TMEFF2: variants seen among roughly 807,000 people sequenced by gnomAD.
TMEFF2 encodes the protein transmembrane protein with EGF like and two follistatin like domains 2.
A neutral mutation model predicts 53.8 loss-of-function variants in TMEFF2; 28 were observed. The observed-to-expected ratio is 0.52, with a 90% CI of 0.39 to 0.71. The LOEUF is 0.71. TMEFF2 is among the 30% of genes least tolerant of loss of function. TMEFF2 has a pLI of 0.00. For missense variants in TMEFF2, 353 were observed against 455.2 expected, an observed-to-expected ratio of 0.78 and a Z score of 2.04; for synonymous variants, 162 against 166.3, an observed-to-expected ratio of 0.97 and a Z score of 0.20.
At chr2:192,190,645 G>A (rs187383270) in intron 2 of TMEFF2, among the ~76,000 whole-genome samples, 1 of 152,100 alleles carries the variant, frequency 6.6e-6, no homozygotes, top group African/African-American at 2.4e-5. Context: ...CCAGGAGGTG[G>A]TGCACTTTAC....
chr2:192,097,405 TTAGC>T, intron 4 of TMEFF2, among the ~76,000 whole-genome samples: 1 of 152,374 alleles, frequency 6.6e-6, no homozygotes, highest in East Asian at 1.9e-4. Flanking sequence ...CATATATTCT[TTAGC>T]TATGCTAACA....
chr2:192,073,705 T>C (rs58354071), intron 4 of TMEFF2, among the ~76,000 whole-genome samples: 16,168 of 151,942 alleles, frequency 0.11, 1,168 homozygotes, highest in East Asian at 0.37. Flanking sequence ...CTGAGGAAAA[T>C]ACAGAAAAAC....
chr2:192,064,545 C>G (rs1281110156), intron 4 of TMEFF2, among the ~76,000 whole-genome samples: 1 of 151,852 alleles, frequency 6.6e-6, no homozygotes, highest in Admixed American at 6.6e-5. Flanking sequence ...GTACCACATT[C>G]TCCATGAAAA....
chr2:192,014,832 C>T (rs1285253703), intron 5 of TMEFF2, among the ~76,000 whole-genome samples: 2 of 152,152 alleles, frequency 1.3e-5, no homozygotes, highest in African/African-American at 4.8e-5. Flanking sequence ...AAATGAGTAT[C>T]AATGTATTAC....
At chr2:192,061,657 C>T (rs1048905168) in intron 4 of TMEFF2, among the ~76,000 whole-genome samples, 1 of 152,052 alleles carries the variant, frequency 6.6e-6, no homozygotes, top group East Asian at 1.9e-4. Flanking sequence ...TTGTCCTCTA[C>T]GAATCTCATG....
intron 8 of TMEFF2, 61 bp from the exon 9 acceptor site, chr2:191,953,898 T>TTTTTTTTTG (rs1691972401): frequency 8.1e-7 from 1 of 1,228,972 alleles, no homozygotes; most frequent in Admixed American, 2.6e-5. Flanking sequence ...TTTTTTTTTT[T>TTTTTTTTTG]TTTTTTTTTG....
chr2:192,136,182 T>C (rs1466580359), intron 4 of TMEFF2, among the ~76,000 whole-genome samples: 3 of 152,326 alleles, frequency 2.0e-5, no homozygotes, highest in Admixed American at 1.3e-4. Flanking sequence ...GACCTATTAA[T>C]TCAGCAGTTA....
intron 7 of TMEFF2, among the ~76,000 whole-genome samples, chr2:191,981,602 T>A (rs1340287760): frequency 3.9e-5 from 6 of 152,352 alleles, no homozygotes; most frequent in African/African-American, 1.2e-4. Context: ...TTAGCATTCT[T>A]AATGCTTTAT....
At chr2:191,989,457 G>A (rs947354805) in intron 7 of TMEFF2, among the ~76,000 whole-genome samples, 1 of 152,116 alleles carries the variant, frequency 6.6e-6, no homozygotes, top group Non-Finnish European at 1.5e-5. Flanking sequence ...GTTTTAGCTC[G>A]ATGCCTTGAT....
intron 4 of TMEFF2, among the ~76,000 whole-genome samples, chr2:192,142,750 A>G (rs1407097436): frequency 1.3e-5 from 2 of 152,182 alleles, no homozygotes; most frequent in East Asian, 1.9e-4. Context: ...GCTATCATTT[A>G]TTAAAAGCTA....
chr2:192,116,278 C>G (rs891680655), intron 4 of TMEFF2, among the ~76,000 whole-genome samples: 6 of 151,884 alleles, frequency 4.0e-5, no homozygotes, highest in African/African-American at 7.2e-5. Context: ...TCTAAAGAGT[C>G]AAACTCATGG....
At chr2:192,045,875 T>C (rs932358095) in intron 5 of TMEFF2, among the ~76,000 whole-genome samples, 2 of 152,238 alleles carry the variant, frequency 1.3e-5, no homozygotes, top group African/African-American at 2.4e-5. Flanking sequence ...TACATTTTTC[T>C]TCCTGCACAC....
chr2:192,164,254 T>C (rs1249125189), intron 4 of TMEFF2, among the ~76,000 whole-genome samples: 1 of 152,158 alleles, frequency 6.6e-6, no homozygotes, highest in Non-Finnish European at 1.5e-5. Context: ...ACCTTCCTTC[T>C]ATTTCTGGAT....
At chr2:192,133,440 C>T (rs1319707618) in intron 4 of TMEFF2, among the ~76,000 whole-genome samples, 1 of 152,162 alleles carries the variant, frequency 6.6e-6, no homozygotes, top group Non-Finnish European at 1.5e-5. Flanking sequence ...GGATTAAAAC[C>T]TGTTATCACT....
chr2:192,132,260 G>A (rs1238074933), intron 4 of TMEFF2, among the ~76,000 whole-genome samples: 1 of 152,006 alleles, frequency 6.6e-6, no homozygotes, highest in African/African-American at 2.4e-5. Flanking sequence ...CTCTTAAAAA[G>A]GTGGCTGGAG....
At chr2:191,978,608 A>G in intron 7 of TMEFF2, among the ~76,000 whole-genome samples, 1 of 152,174 alleles carries the variant, frequency 6.6e-6, no homozygotes, top group East Asian at 1.9e-4. Context: ...ATTGCCCTTC[A>G]GTTATCATTC....
intron 9 of TMEFF2, 131 bp downstream of exon 9, chr2:191,953,548 A>G: frequency 3.3e-6 from 3 of 921,914 alleles, no homozygotes; most frequent in South Asian, 4.0e-5. Flanking sequence ...CTCTTATGCT[A>G]AGGACATAGG....
rs1277788078 is a variant in TMEFF2, at chr2:191,949,246, T to C, written c.*1065A>G. ...CCATACCAACTTCCCAGTGAGGTCT[T>C]TCAGATGCTATAGGATTAATTTTCT... On this transcript the variant is annotated 3_prime_UTR_variant, in exon 10 of 10. Coordinates refer to ENST00000272771, the MANE Select transcript of TMEFF2 (RefSeq NM_016192.4). 20 of 985,274 alleles carry C rather than the reference T, an allele frequency of 2.0e-5. No individual in the cohort carries two copies. Among genetic ancestry groups the C allele is most frequent in the Non-Finnish European group, 2.2e-5 (18 of 829,906 alleles). 61.0% of individuals were successfully genotyped at this position (985,274 alleles called of 1,614,324 possible).
At chr2:192,100,843 G>A (rs12467871) in intron 4 of TMEFF2, among the ~76,000 whole-genome samples, 151,508 of 152,302 alleles carry the variant, frequency 0.99, 75,364 homozygotes, top group Middle Eastern at 1. Flanking sequence ...AAAATGTTAA[G>A]TATTCAGGAG....
Sources: allele counts gnomAD v4.1 joint callset (sites outside exome capture counted in the v4.1 genomes callset), GRCh38; gene constraint gnomAD v4.1.1; transcripts MANE v1.5; gene names NCBI Gene and HGNC (gene_info 2026-07-23, HGNC 2026-07-21).